PCDH15: variants seen among roughly 807,000 people sequenced by gnomAD.
The protein encoded by PCDH15 is protocadherin-15.
A neutral mutation model predicts 178.5 loss-of-function variants in PCDH15; 129 were observed. The ratio of observed to expected loss-of-function variants is 0.72; its 90% confidence interval spans 0.63 to 0.84. PCDH15 has a LOEUF of 0.84. Among genes scored for constraint, PCDH15 ranks in the 40% least tolerant of loss-of-function variants. The pLI, the probability that PCDH15 is intolerant of heterozygous loss-of-function variation, is 0.00. For missense variants in PCDH15, 2,230 were observed against 2,099.9 expected (o/e 1.06, Z -1.21); for synonymous variants, 800 against 732.0 (o/e 1.09, Z -1.50).
chr10:55,034,613 T>C, intron 2 of PCDH15, among the ~76,000 whole-genome samples: 1 of 152,196 alleles, frequency 6.6e-6, no homozygotes, highest in East Asian at 1.9e-4. Flanking sequence ...AATAGATCAA[T>C]TCCTGTTGGC....
intron 1 of PCDH15, among the ~76,000 whole-genome samples, chr10:54,768,269 G>T (rs530700791): frequency 4.1e-3 from 625 of 152,106 alleles, no homozygotes; most frequent in African/African-American, 0.013. Flanking sequence ...AAGCTGCTTG[G>T]GCACACTTAG....
At chr10:55,178,023 C>T (rs1839542414) in intron 1 of PCDH15, among the ~76,000 whole-genome samples, 1 of 152,140 alleles carries the variant, frequency 6.6e-6, no homozygotes, top group Non-Finnish European at 1.5e-5. Flanking sequence ...AAAGGGAAAG[C>T]AGTTTACAAT....
At chr10:54,700,957 T>A (rs1261496792) in intron 1 of PCDH15, among the ~76,000 whole-genome samples, 1 of 152,010 alleles carries the variant, frequency 6.6e-6, no homozygotes, top group Non-Finnish European at 1.5e-5. Context: ...TAAATGCTGC[T>A]AGAAAGAGGC....
intron 2 of PCDH15, among the ~76,000 whole-genome samples, chr10:54,595,251 G>A (rs747666839): frequency 6.6e-6 from 1 of 152,148 alleles, no homozygotes; most frequent in Non-Finnish European, 1.5e-5. Context: ...CTCCAGTGCA[G>A]CAGGTTCCTA....
At chr10:55,072,655 A>G (rs1298982818) in intron 2 of PCDH15, among the ~76,000 whole-genome samples, 1 of 152,126 alleles carries the variant, frequency 6.6e-6, no homozygotes, top group Non-Finnish European at 1.5e-5. Flanking sequence ...TCACAGCCGA[A>G]TTCTACCAGA....
intron 2 of PCDH15, among the ~76,000 whole-genome samples, chr10:55,071,324 C>A (rs1204474435): frequency 6.6e-6 from 1 of 151,898 alleles, no homozygotes; most frequent in Non-Finnish European, 1.5e-5. Flanking sequence ...GAGTCAAGAC[C>A]CATCAGTGTG....
At chr10:55,056,965 C>T (rs1376494442) in intron 2 of PCDH15, among the ~76,000 whole-genome samples, 1 of 152,024 alleles carries the variant, frequency 6.6e-6, no homozygotes, top group Non-Finnish European at 1.5e-5. Context: ...TACATTTATA[C>T]AATAATTTGT....
At chr10:55,238,796 C>T (rs1287192776) in intron 1 of PCDH15, among the ~76,000 whole-genome samples, 1 of 151,840 alleles carries the variant, frequency 6.6e-6, no homozygotes, top group Non-Finnish European at 1.5e-5. Flanking sequence ...TACAGGTGTA[C>T]AAGGTGTAAT....
At chr10:54,209,152 C>A (rs750731768) in intron 10 of PCDH15, among the ~76,000 whole-genome samples, 7 of 152,000 alleles carry the variant, frequency 4.6e-5, no homozygotes, top group Non-Finnish European at 4.4e-5. Context: ...CTTTGACTTG[C>A]TACTCTGCCT....
chr10:54,922,694 C>T (rs1368958096), intron 2 of PCDH15, among the ~76,000 whole-genome samples: 2 of 152,096 alleles, frequency 1.3e-5, no homozygotes, highest in Non-Finnish European at 2.9e-5. Context: ...TTCTTTGACA[C>T]CACAATCTTC....
At chr10:54,949,615 T>C (rs1178344449) in intron 2 of PCDH15, among the ~76,000 whole-genome samples, 1 of 152,020 alleles carries the variant, frequency 6.6e-6, no homozygotes, top group Non-Finnish European at 1.5e-5. Context: ...TTTTCAAATT[T>C]TTATGCTCTG....
rs192375342 is a variant in PCDH15, at chr10:54,986,934, T to C, written c.-79-89434A>G. Among the ~76,000 whole-genome samples, 271 of 152,286 alleles carry C rather than the reference T, an allele frequency of 1.8e-3. 1 individual carries two copies. The highest frequency in any genetic ancestry group is 0.01 in the Middle Eastern group (3 of 294). On this transcript the variant is annotated intron_variant, in intron 2 of 5. Transcript: ENST00000458638. ...TAAGTTTCAGGATACATGTGCAGAA[T>C]ATGCAGGTTTACTACATAGATATAC... is the stretch of plus-strand genomic sequence containing the variant.
At chr10:54,388,184 A>G (rs1312936187) in intron 3 of PCDH15, among the ~76,000 whole-genome samples, 4 of 152,194 alleles carry the variant, frequency 2.6e-5, no homozygotes, top group Non-Finnish European at 5.9e-5. Flanking sequence ...ATTATCCCCC[A>G]CAAGTATGGA....
chr10:55,608,664 A>T (rs1346122549), intron 2 of PCDH15, among the ~76,000 whole-genome samples: 1 of 151,986 alleles, frequency 6.6e-6, no homozygotes, highest in Admixed American at 6.6e-5. Context: ...GACTTTAATC[A>T]GGTGCTGCAG....
intron 25 of PCDH15, among the ~76,000 whole-genome samples, chr10:53,925,325 G>A (rs1014208199): frequency 6.6e-6 from 1 of 152,060 alleles, no homozygotes; most frequent in Non-Finnish European, 1.5e-5. Context: ...GCCACCTTAA[G>A]AGCTGTAACG....
intron 2 of PCDH15, among the ~76,000 whole-genome samples, chr10:55,074,804 G>A (rs1165042700): frequency 6.6e-6 from 1 of 152,096 alleles, no homozygotes; most frequent in Non-Finnish European, 1.5e-5. Context: ...CCTATGTCCT[G>A]AATGCTATTG....
intron 1 of PCDH15, among the ~76,000 whole-genome samples, chr10:55,239,249 C>T (rs949294150): frequency 1.3e-5 from 2 of 152,062 alleles, no homozygotes; most frequent in African/African-American, 4.8e-5. Context: ...ACAACATTTT[C>T]TTTATCTGTT....
At chr10:55,582,628 A>ATATATATATTT (rs780312007) in intron 2 of PCDH15, among the ~76,000 whole-genome samples, 8 of 69,042 alleles carry the variant, frequency 1.2e-4, no homozygotes, top group African/African-American at 5.3e-4. Context: ...ATATATATAT[A>ATATATATATTT]TTTTTTTTTT....
chr10:55,258,952 CT>C (rs1842080562), intron 1 of PCDH15, among the ~76,000 whole-genome samples: 2 of 152,068 alleles, frequency 1.3e-5, no homozygotes, highest in African/African-American at 4.8e-5. Context: ...TGATTGCTTC[CT>C]TACTCTACCC....
Sources: allele counts gnomAD v4.1 joint callset (sites outside exome capture counted in the v4.1 genomes callset), GRCh38; gene constraint gnomAD v4.1.1; transcripts MANE v1.5; gene names NCBI Gene and HGNC (gene_info 2026-07-23, HGNC 2026-07-21).